CDR2: variants seen among roughly 807,000 people sequenced by gnomAD.
The protein encoded by CDR2 is cerebellar degeneration-related protein 2.
In CDR2, 34 loss-of-function variants were observed where a neutral mutation model predicts 48.4. The ratio of observed to expected loss-of-function variants is 0.70; its 90% confidence interval spans 0.53 to 0.94. The LOEUF (loss-of-function observed/expected upper bound fraction) is 0.94. CDR2 is among the 40% of genes least tolerant of loss of function. The pLI, the probability that CDR2 is intolerant of heterozygous loss-of-function variation, is 0.00. For synonymous variants in CDR2, 240 were observed against 219.7 expected (o/e 1.09, Z -0.82); for missense variants, 498 against 549.5 (o/e 0.91, Z 0.94).
intron 2 of CDR2, among the ~76,000 whole-genome samples, chr16:22,361,990 C>A (rs184455703): frequency 1.3e-5 from 2 of 149,180 alleles, no homozygotes; most frequent in African/African-American, 4.9e-5. Flanking sequence ...CAAGCTCCGC[C>A]TCCCGGGTTC....
intron 2 of CDR2, among the ~76,000 whole-genome samples, chr16:22,354,139 C>A (rs765631732): frequency 3.3e-5 from 5 of 152,190 alleles, no homozygotes; most frequent in Non-Finnish European, 7.3e-5. Context: ...CCTCAAACGG[C>A]TGAGACTGGA....
intron 2 of CDR2, among the ~76,000 whole-genome samples, chr16:22,357,481 A>G (rs970753189): frequency 2.6e-5 from 4 of 152,228 alleles, no homozygotes; most frequent in African/African-American, 4.8e-5. Flanking sequence ...TGTGCTTGGC[A>G]TGACTCAGAC....
chr16:22,360,349 T>G (rs2049002739), intron 2 of CDR2, among the ~76,000 whole-genome samples: 1 of 152,240 alleles, frequency 6.6e-6, no homozygotes, highest in Admixed American at 6.5e-5. Context: ...TAACCATTAT[T>G]TTGAATAGTT....
chr16:22,353,872 TG>T (rs1567345109), intron 2 of CDR2, among the ~76,000 whole-genome samples: 1 of 152,230 alleles, frequency 6.6e-6, no homozygotes, highest in Non-Finnish European at 1.5e-5. Flanking sequence ...TGTCTTTTGT[TG>T]CAGGGGTCCT....
At chr16:22,359,728 G>C (rs1450762279) in intron 2 of CDR2, among the ~76,000 whole-genome samples, 1 of 152,114 alleles carries the variant, frequency 6.6e-6, no homozygotes, top group African/African-American at 2.4e-5. Context: ...TAAAACAGAG[G>C]CCAGAGCCCC....
At chr16:22,360,739 C>CTTTTTTTTTT (rs201976962) in intron 2 of CDR2, among the ~76,000 whole-genome samples, 1 of 74,128 alleles carries the variant, frequency 1.3e-5, no homozygotes, top group Non-Finnish European at 2.8e-5. Flanking sequence ...AAAAAATGAT[C>CTTTTTTTTTT]TTTTTTTTTT....
chr16:22,359,134 CT>C (rs937222691), intron 2 of CDR2, among the ~76,000 whole-genome samples: 24 of 146,760 alleles, frequency 1.6e-4, no homozygotes, highest in Middle Eastern at 3.5e-3. Flanking sequence ...TACTAAAATT[CT>C]TTTTTTTTTT....
At chr16:22,355,537 T>C (rs1327070391) in intron 2 of CDR2, among the ~76,000 whole-genome samples, 1 of 152,230 alleles carries the variant, frequency 6.6e-6, no homozygotes, top group Non-Finnish European at 1.5e-5. Flanking sequence ...TCTGTTAAAA[T>C]TTATAGGAGA....
At chr16:22,368,020 G>A (rs777327119) in intron 1 of CDR2, among the ~76,000 whole-genome samples, 16 of 151,992 alleles carry the variant, frequency 1.1e-4, no homozygotes, top group African/African-American at 3.4e-4. Flanking sequence ...TCAGAAGTTC[G>A]AGACCAGCCA....
At chr16:22,361,172 TG>T (rs1324522263) in intron 2 of CDR2, among the ~76,000 whole-genome samples, 1 of 152,200 alleles carries the variant, frequency 6.6e-6, no homozygotes, top group Admixed American at 6.5e-5. Flanking sequence ...GCTCACCGGG[TG>T]GTGACCAGAT....
chr16:22,349,955 A>G (rs2048931632), intron 2 of CDR2, 106 bp from the exon 3 acceptor site: 1 of 982,260 alleles, frequency 1.0e-6, no homozygotes, highest in Non-Finnish European at 1.6e-6. Flanking sequence ...TTGGGAGGCC[A>G]AGACGTGTGG....
At chr16:22,372,750 T>C (rs777059089) in intron 1 of CDR2, among the ~76,000 whole-genome samples, 1 of 152,180 alleles carries the variant, frequency 6.6e-6, no homozygotes, top group Non-Finnish European at 1.5e-5. Flanking sequence ...ACTCTGTAAG[T>C]GTAATAAAGG....
chr16:22,347,815 A>G lies in CDR2; in HGVS notation c.515T>C (p.Val172Ala). 1 of 1,610,680 alleles carries G rather than the reference A, an allele frequency of 6.2e-7. No individual in the cohort carries two copies. Among genetic ancestry groups the G allele is most frequent in the Non-Finnish European group, 8.5e-7 (1 of 1,178,194 alleles). The change falls in exon 5 of 5, where the codon GTG becomes GCG. Residue 172 changes from valine (V) to alanine (A), a missense_variant. Coordinates refer to ENST00000268383, the MANE Select transcript of CDR2 (RefSeq NM_001802.2). Reference sequence around the variant, plus strand: ...CTTCTCAGCGAACACATGATCATACACGAAGTGTCTAGGGAAAAAAATATT... The same window carrying G: ...CTTCTCAGCGAACACATGATCATACGCGAAGTGTCTAGGGAAAAAAATATT... ...KELYDLRQHF[V>A]YDHVFAEKIT... is the part of the protein sequence containing the mutation.
intron 2 of CDR2, among the ~76,000 whole-genome samples, chr16:22,359,592 T>C (rs1173336946): frequency 2.6e-5 from 4 of 152,202 alleles, no homozygotes; most frequent in African/African-American, 9.7e-5. Flanking sequence ...AGAAAACTCC[T>C]ACACCAAAGC....
chr16:22,365,038 A>C, intron 1 of CDR2, 24 bp from the exon 2 acceptor site: 1 of 1,390,606 alleles, frequency 7.2e-7, no homozygotes, highest in Non-Finnish European at 1.0e-6. Context: ...TGAATCTTAG[A>C]ATAATACAAA....
At chr16:22,363,870 G>A (rs1370738334) in intron 2 of CDR2, among the ~76,000 whole-genome samples, 2 of 151,990 alleles carry the variant, frequency 1.3e-5, no homozygotes, top group Non-Finnish European at 2.9e-5. Flanking sequence ...CAGCATAGAG[G>A]GCCATTTTAA....
At chr16:22,374,201 C>G in intron 1 of CDR2, 30 bp downstream of exon 1, 1 of 1,512,124 alleles carries the variant, frequency 6.6e-7, no homozygotes. Context: ...GCCAGGCCGC[C>G]GCCCGCCCGC....
At chr16:22,349,215 A>G (rs916700826) in intron 4 of CDR2, 64 bp downstream of exon 4, 110 of 1,541,540 alleles carry the variant, frequency 7.1e-5, no homozygotes, top group Middle Eastern at 5.1e-4. Flanking sequence ...TCTACTGGAA[A>G]TCAGAATGTG....
Position 22,374,369 on chromosome 16 carries a change from C to T in CDR2, c.-60G>A, listed in dbSNP as rs781492890. The T allele has an allele frequency of 5.4e-4, 684 of 1,258,316 alleles. 1 individual carries two copies. The highest frequency in any genetic ancestry group is 7.1e-4 in the Non-Finnish European group (631 of 887,672). The allele number at this position is 1,258,316 out of a possible 1,614,324, so 77.9% of individuals were successfully genotyped here. On this transcript the variant is annotated 5_prime_UTR_variant, in exon 1 of 5. Transcript: ENST00000268383. ...CGCCGTCCCGCCTCAGCCGCTGCCC[C>T]GGGCTCTTCCCCGGCCCCTCCGCCC...
Sources: allele counts gnomAD v4.1 joint callset (sites outside exome capture counted in the v4.1 genomes callset), GRCh38; gene constraint gnomAD v4.1.1; transcripts MANE v1.5; gene names NCBI Gene and HGNC (gene_info 2026-07-23, HGNC 2026-07-21).